KIF16B: variants seen among roughly 807,000 people sequenced by gnomAD.
KIF16B encodes kinesin-like protein KIF16B.
In KIF16B, 98 loss-of-function variants were observed where a neutral mutation model predicts 156.3. The observed-to-expected ratio is 0.63, with a 90% CI of 0.53 to 0.74. The LOEUF (loss-of-function observed/expected upper bound fraction) is 0.74, where lower values mean the gene tolerates loss of function less well. Among genes scored for constraint, KIF16B ranks in the 30% least tolerant of loss-of-function variants. The probability of loss-of-function intolerance (pLI) is 0.00; values close to 1 mark genes in which losing one functional copy is unlikely to be tolerated. For missense variants in KIF16B, 1,421 were observed against 1,606.5 expected, an observed-to-expected ratio of 0.88 and a Z score of 1.97; for synonymous variants, 564 against 583.7, an observed-to-expected ratio of 0.97 and a Z score of 0.49.
chr20:16,559,932 ATGT>A (rs1473346520), intron 1 of KIF16B, among the ~76,000 whole-genome samples: 1 of 152,168 alleles, frequency 6.6e-6, no homozygotes, highest in Non-Finnish European at 1.5e-5. Flanking sequence ...CATTCAAATA[ATGT>A]TGTATCAATA....
chr20:16,369,320 A>G, intron 22 of KIF16B: 1 of 979,616 alleles, frequency 1.0e-6, no homozygotes, highest in African/African-American at 1.7e-5. Context: ...TCTTTCTGTG[A>G]TTCTTTTGCA....
intron 1 of KIF16B, among the ~76,000 whole-genome samples, chr20:16,547,233 C>T: frequency 6.6e-6 from 1 of 152,208 alleles, no homozygotes; most frequent in East Asian, 1.9e-4. Context: ...CATGCCCACT[C>T]ACGATAAATG....
intron 25 of KIF16B, among the ~76,000 whole-genome samples, chr20:16,274,981 T>A (rs2063038938): frequency 6.6e-6 from 1 of 152,174 alleles, no homozygotes; most frequent in African/African-American, 2.4e-5. Context: ...GTAAAATAAC[T>A]TAGTTTCTAA....
chr20:16,509,563 G>C (rs542824348), intron 6 of KIF16B, among the ~76,000 whole-genome samples: 1 of 152,264 alleles, frequency 6.6e-6, no homozygotes. Flanking sequence ...TTTACTATGA[G>C]TGAAATGCTA....
chr20:16,449,208 A>T (rs2067014847), intron 12 of KIF16B, among the ~76,000 whole-genome samples: 1 of 152,226 alleles, frequency 6.6e-6, no homozygotes, highest in Admixed American at 6.5e-5. Context: ...AAAAGAGGCC[A>T]GCACCTGACC....
At chr20:16,300,010 A>T (rs1169515370) in intron 25 of KIF16B, among the ~76,000 whole-genome samples, 5 of 152,224 alleles carry the variant, frequency 3.3e-5, no homozygotes, top group African/African-American at 9.6e-5. Context: ...TATGAAAATT[A>T]TAGGGGAAAA....
At chr20:16,308,471 C>G (rs1206360836) in intron 25 of KIF16B, among the ~76,000 whole-genome samples, 1 of 152,194 alleles carries the variant, frequency 6.6e-6, no homozygotes, top group East Asian at 1.9e-4. Flanking sequence ...AGAACCAACT[C>G]CATTCCAAAC....
In KIF16B at chr20:16,272,169, T is replaced by C. The variant is rs969949254; in HGVS notation, c.*1084A>G. 2.6e-5 allele frequency: 4 copies of C among 152,634 alleles called. No homozygotes were observed. The highest frequency in any genetic ancestry group is 7.2e-5 in the African/African-American group (3 of 41,448). The allele number at this position is 152,634 out of a possible 1,614,324, so 9.5% of individuals were successfully genotyped here. A position where few individuals can be genotyped will look rare whatever the true frequency, so the allele number is the denominator to read the frequency against. ...TTAAATTTTGAAAAAGCAAATACAT[T>C]TAATAAAATTGGTGTGAATTATTAC... On this transcript the variant is annotated 3_prime_UTR_variant, in exon 26 of 26. Transcript: ENST00000354981.
intron 22 of KIF16B, chr20:16,367,062 T>C (rs754054932): frequency 1.3e-5 from 18 of 1,439,962 alleles, no homozygotes; most frequent in Middle Eastern, 4.3e-4. Flanking sequence ...CACGGAGATA[T>C]TCATATTGCC....
At chr20:16,548,821 C>T (rs2070513886) in intron 1 of KIF16B, among the ~76,000 whole-genome samples, 1 of 152,122 alleles carries the variant, frequency 6.6e-6, no homozygotes, top group Non-Finnish European at 1.5e-5. Flanking sequence ...ACAGGACCAG[C>T]TTGTTTATGC....
chr20:16,346,051 G>A (rs1187150542), intron 23 of KIF16B, among the ~76,000 whole-genome samples: 1 of 152,190 alleles, frequency 6.6e-6, no homozygotes, highest in Non-Finnish European at 1.5e-5. Context: ...ACAAGGCAAG[G>A]GAACAGTTGC....
intron 23 of KIF16B, among the ~76,000 whole-genome samples, chr20:16,352,846 T>C (rs1224874996): frequency 2.0e-5 from 3 of 152,138 alleles, no homozygotes; most frequent in Non-Finnish European, 4.4e-5. Flanking sequence ...TGGGCCCTGG[T>C]GTGGTCACAC....
intron 25 of KIF16B, among the ~76,000 whole-genome samples, chr20:16,299,627 G>A (rs911181012): frequency 1.3e-5 from 2 of 152,200 alleles, no homozygotes; most frequent in African/African-American, 4.8e-5. Context: ...CTGTACCAAA[G>A]AGAACTTTGG....
At chr20:16,281,478 G>A (rs1329394814) in intron 25 of KIF16B, among the ~76,000 whole-genome samples, 1 of 152,120 alleles carries the variant, frequency 6.6e-6, no homozygotes, top group East Asian at 1.9e-4. Flanking sequence ...TATGTATCAC[G>A]CATCGACCCA....
At chr20:16,482,690 C>T (rs1568587324) in intron 12 of KIF16B, among the ~76,000 whole-genome samples, 1 of 152,132 alleles carries the variant, frequency 6.6e-6, no homozygotes, top group Non-Finnish European at 1.5e-5. Context: ...AATTTTTCAC[C>T]TCAATACAGG....
At chr20:16,322,968 G>T (rs559252310) in intron 24 of KIF16B, among the ~76,000 whole-genome samples, 2 of 152,020 alleles carry the variant, frequency 1.3e-5, no homozygotes, top group South Asian at 4.1e-4. Flanking sequence ...ATATAGAAAA[G>T]AAATTAAAAT....
intron 17 of KIF16B, 49 bp from the exon 18 acceptor site, chr20:16,381,796 T>A: frequency 1.4e-6 from 2 of 1,440,024 alleles, no homozygotes; most frequent in Non-Finnish European, 1.9e-6. Context: ...AGCTTTTCTA[T>A]CTCTCTCTCA....
At chr20:16,434,787 T>C (rs960657046) in intron 12 of KIF16B, among the ~76,000 whole-genome samples, 27 of 152,302 alleles carry the variant, frequency 1.8e-4, no homozygotes, top group African/African-American at 6.0e-4. Context: ...TGAAAATTTA[T>C]GTTACAGAGA....
chr20:16,520,593 T>C (rs1198833890), intron 3 of KIF16B, among the ~76,000 whole-genome samples: 1 of 152,204 alleles, frequency 6.6e-6, no homozygotes, highest in Non-Finnish European at 1.5e-5. Flanking sequence ...GGGGTGGCTG[T>C]GGGCACAGCT....
Sources: allele counts gnomAD v4.1 joint callset (sites outside exome capture counted in the v4.1 genomes callset), GRCh38; gene constraint gnomAD v4.1.1; transcripts MANE v1.5; gene names NCBI Gene and HGNC (gene_info 2026-07-23, HGNC 2026-07-21).